The following ARHGAP24 variants were observed in gnomAD, a reference collection of about 807,000 sequenced individuals.
The protein encoded by ARHGAP24 is Rho GTPase activating protein 24.
ARHGAP24 carries 50 observed loss-of-function variants against 76.4 expected under a neutral mutation model. The ratio of observed to expected loss-of-function variants is 0.65; its 90% CI spans 0.52 to 0.83. The LOEUF (loss-of-function observed/expected upper bound fraction) is 0.83. Among genes scored for constraint, ARHGAP24 ranks in the 40% least tolerant of loss-of-function variants. The probability of loss-of-function intolerance (pLI) is 0.00; values close to 1 mark genes in which losing one functional copy is unlikely to be tolerated. For synonymous variants in ARHGAP24, 345 were observed against 323.3 expected, an observed-to-expected ratio of 1.07 and a Z score of -0.72; for missense variants, 930 against 914.2, an observed-to-expected ratio of 1.02 and a Z score of -0.22.
chr4:85,654,471 A>G (rs1335774634), intron 2 of ARHGAP24, among the ~76,000 whole-genome samples: 1 of 152,096 alleles, frequency 6.6e-6, no homozygotes, highest in Non-Finnish European at 1.5e-5. Flanking sequence ...AGAATCCTAC[A>G]ATGTAGGTTT....
At chr4:85,650,484 T>C (rs901895935) in intron 2 of ARHGAP24, among the ~76,000 whole-genome samples, 9 of 149,526 alleles carry the variant, frequency 6.0e-5, no homozygotes, top group Admixed American at 5.3e-4. Flanking sequence ...ATCTGTAAAA[T>C]GAGGATAATG....
chr4:85,894,863 A>G (rs1734052806), intron 3 of ARHGAP24, among the ~76,000 whole-genome samples: 1 of 149,622 alleles, frequency 6.7e-6, no homozygotes, highest in African/African-American at 2.4e-5. Context: ...CAGGAGGCTG[A>G]GGCAGGAGAA....
chr4:85,607,933 C>A (rs1720256697), intron 2 of ARHGAP24, among the ~76,000 whole-genome samples: 1 of 151,520 alleles, frequency 6.6e-6, no homozygotes, highest in African/African-American at 2.4e-5. Context: ...AATCTCTGGG[C>A]CTTGGTGTTT....
intron 1 of ARHGAP24, among the ~76,000 whole-genome samples, chr4:85,502,770 G>A (rs1723873727): frequency 6.6e-6 from 1 of 152,172 alleles, no homozygotes. Flanking sequence ...AATAGGAGTG[G>A]TGAGAGAGGG....
intron 1 of ARHGAP24, among the ~76,000 whole-genome samples, chr4:85,476,489 G>C (rs1227764375): frequency 6.6e-6 from 1 of 151,970 alleles, no homozygotes; most frequent in African/African-American, 2.4e-5. Context: ...TAAATAAATC[G>C]TGCTGAGTAT....
At chr4:85,877,518 A>G (rs1311921758) in intron 3 of ARHGAP24, among the ~76,000 whole-genome samples, 1 of 126,870 alleles carries the variant, frequency 7.9e-6, no homozygotes, top group Non-Finnish European at 1.7e-5. Context: ...CCAGCTACTC[A>G]GGAGGCTGAG....
At chr4:85,782,287 G>A (rs1316699653) in intron 3 of ARHGAP24, among the ~76,000 whole-genome samples, 3 of 151,910 alleles carry the variant, frequency 2.0e-5, no homozygotes, top group Non-Finnish European at 4.4e-5. Flanking sequence ...TAGGAAATTC[G>A]ACATACTAAA....
chr4:85,668,890 G>A (rs942429463), intron 2 of ARHGAP24, among the ~76,000 whole-genome samples: 6 of 152,158 alleles, frequency 3.9e-5, no homozygotes, highest in Non-Finnish European at 8.8e-5. Context: ...AAAGATAAAA[G>A]TAAAGAAGGT....
At chr4:85,677,667 G>C (rs1723032170) in intron 2 of ARHGAP24, among the ~76,000 whole-genome samples, 1 of 152,192 alleles carries the variant, frequency 6.6e-6, no homozygotes, top group African/African-American at 2.4e-5. Flanking sequence ...AGCAAGTGAT[G>C]TCATGTGTAC....
chr4:85,920,797 A>G (rs1185003179), intron 3 of ARHGAP24, among the ~76,000 whole-genome samples: 6 of 152,252 alleles, frequency 3.9e-5, no homozygotes, highest in African/African-American at 1.4e-4. Context: ...ATCGTTAGAG[A>G]AATGCAAATC....
At chr4:85,536,751 T>G (rs1320368743) in intron 1 of ARHGAP24, among the ~76,000 whole-genome samples, 1 of 152,072 alleles carries the variant, frequency 6.6e-6, no homozygotes, top group Non-Finnish European at 1.5e-5. Flanking sequence ...TAGAGAAAAG[T>G]GAGGAAGAAT....
chr4:85,938,098 G>T (rs938060561), intron 4 of ARHGAP24, among the ~76,000 whole-genome samples: 2 of 152,146 alleles, frequency 1.3e-5, no homozygotes, highest in African/African-American at 4.8e-5. Context: ...TTTCTCTCTT[G>T]TGTGCGCCAC....
In ARHGAP24 at chr4:85,803,508, T is replaced by C. The variant is rs555992923; in HGVS notation, c.268+81536T>C. Among the ~76,000 whole-genome samples the C allele has an allele frequency of 4.9e-4, 74 of 152,366 alleles. No homozygotes were observed. The South Asian group carries it at 0.015, about 30-fold the overall frequency. Reference sequence around the variant, plus strand: ...AACAATTTTTATACCTTCATCATGATGCTCATTTTGCTATTCCTTTCTTTA... The same window carrying C: ...AACAATTTTTATACCTTCATCATGACGCTCATTTTGCTATTCCTTTCTTTA... On this transcript the variant is annotated intron_variant, in intron 3 of 9. Transcript: ENST00000395184.
chr4:85,727,576 A>G (rs1441745904), intron 3 of ARHGAP24, among the ~76,000 whole-genome samples: 2 of 152,186 alleles, frequency 1.3e-5, no homozygotes, highest in Non-Finnish European at 2.9e-5. Context: ...GTGCTTTCTT[A>G]TAGACAACTG....
intron 2 of ARHGAP24, among the ~76,000 whole-genome samples, chr4:85,671,875 C>T (rs964639226): frequency 2.6e-5 from 4 of 152,186 alleles, no homozygotes; most frequent in African/African-American, 9.6e-5. Context: ...AAAATGGACA[C>T]TGAGAAACCT....
At chr4:85,951,860 A>G (rs1049636266) in intron 5 of ARHGAP24, among the ~76,000 whole-genome samples, 8 of 152,134 alleles carry the variant, frequency 5.3e-5, no homozygotes, top group African/African-American at 1.9e-4. Context: ...TGTACCTCTA[A>G]TGTTAAGCCC....
At chr4:85,853,452 C>T (rs939090209) in intron 3 of ARHGAP24, among the ~76,000 whole-genome samples, 1 of 152,172 alleles carries the variant, frequency 6.6e-6, no homozygotes, top group Non-Finnish European at 1.5e-5. Flanking sequence ...GATGCCCCGC[C>T]CTGCTTCGGC....
chr4:85,696,190 A>G, intron 2 of ARHGAP24, among the ~76,000 whole-genome samples: 1 of 151,908 alleles, frequency 6.6e-6, no homozygotes, highest in African/African-American at 2.4e-5. Context: ...TAAATTACAT[A>G]TTGAATGTAT....
intron 3 of ARHGAP24, among the ~76,000 whole-genome samples, chr4:85,889,221 A>G (rs1448285309): frequency 6.6e-6 from 1 of 152,242 alleles, no homozygotes; most frequent in Admixed American, 6.5e-5. Flanking sequence ...CTATATGGAC[A>G]TGGGGTAAGT....
Sources: allele counts gnomAD v4.1 joint callset (sites outside exome capture counted in the v4.1 genomes callset), GRCh38; gene constraint gnomAD v4.1.1; transcripts MANE v1.5; gene names NCBI Gene and HGNC (gene_info 2026-07-23, HGNC 2026-07-21).